SHMT2: variants seen among roughly 807,000 people sequenced by gnomAD.
SHMT2 encodes serine hydroxymethyltransferase 2.
Under a neutral mutation model 59.6 loss-of-function variants are expected in SHMT2, and 38 were observed. That is an observed-to-expected ratio of 0.64 (90% CI 0.49 to 0.84). The LOEUF is 0.84. SHMT2 is among the 40% of genes least tolerant of loss of function. The probability of loss-of-function intolerance (pLI) is 0.00; values close to 1 mark genes in which losing one functional copy is unlikely to be tolerated. For synonymous variants in SHMT2, 254 were observed against 258.1 expected, an observed-to-expected ratio of 0.98 and a Z score of 0.15; for missense variants, 533 against 659.5, an observed-to-expected ratio of 0.81 and a Z score of 2.10.
In SHMT2 at chr12:57,233,857, C is replaced by T; in HGVS notation, c.1232C>T (p.Thr411Ile). 3.1e-6 allele frequency: 5 copies of T among 1,614,198 alleles called. No individual in the cohort carries two copies. The highest frequency in any genetic ancestry group is 1.1e-5 in the South Asian group (1 of 91,084). Reference protein sequence around the residue: ...ELVSITANKNTCPGDRSAITP... With the variant: ...ELVSITANKNICPGDRSAITP... ...GTATCCATCACTGCCAACAAGAACA[C>T]CTGTCCTGGAGACCGAAGTGCCATC... is the stretch of plus-strand genomic sequence containing the variant. The change falls in exon 10 of 12, where the codon ACC (threonine) becomes ATC (isoleucine). Residue 411 changes from threonine (T) to isoleucine (I), a missense_variant. Transcript: ENST00000328923.
rs747029667 is a variant in SHMT2, at chr12:57,230,872, C to G, written c.103C>G (p.Gln35Glu). The G allele has an allele frequency of 6.2e-7, 1 of 1,614,126 alleles. No homozygotes were observed. Among genetic ancestry groups the G allele is most frequent in the South Asian group, 1.1e-5 (1 of 91,082 alleles). The change falls in exon 2 of 12, where the codon CAG becomes GAG. Residue 35 changes from glutamine (Q) to glutamate (E), a missense_variant. By Grantham distance (29) the Gln-to-Glu change is conservative. Transcript: ENST00000328923. ...TCAGCACAGCAACGCAGCCCAGACT[C>G]AGACTGGGGAAGCAAACAGGGGCTG... ...RAQHSNAAQTQTGEANRGWTG... is the reference protein window; with the variant it reads ...RAQHSNAAQTETGEANRGWTG...
Position 57,230,993 on chromosome 12 carries a change from C to G in SHMT2, c.224C>G (p.Ala75Gly). The change falls in exon 2 of 12, where the codon GCC becomes GGC. Residue 75 changes from alanine (A) to glycine (G), a missense_variant. Ala to Gly is a moderately conservative substitution (Grantham distance 60). Transcript: ENST00000328923. ...CAGTGTCGTGGCCTGGAGCTCATTGCCTCAGAGGTGGGACCTGGGGAGATG... is the reference window on the plus strand; with the variant it reads ...CAGTGTCGTGGCCTGGAGCTCATTGGCTCAGAGGTGGGACCTGGGGAGATG... ...DRQCRGLELI[A>G]SENFCSRAAL... 6.2e-7 allele frequency: 1 copy of G among 1,613,348 alleles called. No individual in the cohort carries two copies. The highest frequency in any genetic ancestry group is 2.2e-5 in the East Asian group (1 of 44,884).
At position 57,232,843 on chromosome 12, in the gene SHMT2, G is replaced by T; in HGVS notation, c.857G>T (p.Arg286Met). 1.2e-6 allele frequency: 2 copies of T among 1,604,352 alleles called. No homozygotes were observed. The highest frequency in any genetic ancestry group is 1.7e-6 in the Non-Finnish European group (2 of 1,171,856). The change falls in exon 7 of 12, where the codon AGG (arginine) becomes ATG (methionine). Residue 286 changes from arginine to methionine, a missense_variant and splice_region_variant. Physicochemically the swap from Arg to Met is moderately conservative, Grantham distance 91. Transcript: ENST00000328923. ...TTTHKTLRGA[R>M]SGLIFYRKGV... The stretch of plus-strand genomic sequence containing the variant: ...ACTCACAAGACTCTTCGAGGGGCCA[G>T]GTCAGGCTCCCTGAGGTCGGGCCTT...
In SHMT2 at chr12:57,230,673, G is replaced by A. The variant is rs915591327; in HGVS notation, c.34-130G>A. On this transcript the variant is annotated intron_variant, in intron 1 of 11. Transcript: ENST00000328923. ...CTGGCTTTTGAAGGTGGAGGTGGGG[G>A]TAGTGAGAACTGAAACAGGCTGGCT... The A allele has an allele frequency of 4.7e-6, 7 of 1,478,738 alleles. No homozygotes were observed. In the African/African-American group the frequency reaches 7.0e-5, roughly 15 times the overall value. 91.6% of individuals were successfully genotyped at this position (1,478,738 alleles called of 1,614,324 possible). A position where few individuals can be genotyped will look rare whatever the true frequency, so the allele number is the denominator to read the frequency against.
Position 57,234,404 on chromosome 12 carries a change from C to T in SHMT2, c.*43C>T, listed in dbSNP as rs2037468673. 6.5e-7 allele frequency: 1 copy of T among 1,530,960 alleles called. No individual in the cohort carries two copies. The highest frequency in any genetic ancestry group is 8.8e-7 in the Non-Finnish European group (1 of 1,139,874). 94.8% of individuals were successfully genotyped at this position (1,530,960 alleles called of 1,614,324 possible). On this transcript the variant is annotated 3_prime_UTR_variant, in exon 12 of 12. Transcript: ENST00000328923. ...GGCCCACAGACTCAAAGTTACTCTC[C>T]TTCCCCCTACCTGGGCCAGTGAAAT...
At position 57,231,974 on chromosome 12, in the gene SHMT2, T is replaced by C. The variant is rs1243204487; in HGVS notation, c.512+61T>C. ...CAGGATTGGTGTGGGAAAGGAGTTATTTATTGAATACCTACTGTGGACCAT... is the reference window on the plus strand; with the variant it reads ...CAGGATTGGTGTGGGAAAGGAGTTACTTATTGAATACCTACTGTGGACCAT... On this transcript the variant is annotated intron_variant, in intron 4 of 11. Transcript: ENST00000328923. The C allele has an allele frequency of 1.4e-5, 21 of 1,507,714 alleles. No homozygotes were observed. In the South Asian group the frequency reaches 1.8e-4, roughly 13 times the overall value. The allele number at this position is 1,507,714 out of a possible 1,614,324, so 93.4% of individuals were successfully genotyped here. A position where few individuals can be genotyped will look rare whatever the true frequency, so the allele number is the denominator to read the frequency against.
At chr12:57,231,937 T>C (rs1432574269) in intron 4 of SHMT2, 24 bp downstream of exon 4, 11 of 1,589,016 alleles carry the variant, frequency 6.9e-6, no homozygotes, top group Non-Finnish European at 8.6e-6. Flanking sequence ...GGCTGGCTGA[T>C]GGTCTTGGCG....
At position 57,234,268 on chromosome 12, in the gene SHMT2, G is replaced by C. The variant is rs369976295; in HGVS notation, c.1422G>C (p.Lys474Asn). Residue 474 changes from lysine to asparagine, a missense_variant, in exon 12 of 12, where the codon AAG (lysine) becomes AAC (asparagine). Physicochemically the swap from Lys to Asn is moderately conservative, Grantham distance 94. Coordinates refer to ENST00000328923, the MANE Select transcript of SHMT2 (RefSeq NM_005412.6). ...KLQDFKSFLL[K>N]DSETSQRLAN... ...AGGATTTCAAATCCTTCCTGCTTAAGGACTCAGAAACAAGTCAGCGTCTGG... is the reference window on the plus strand; with the variant it reads ...AGGATTTCAAATCCTTCCTGCTTAACGACTCAGAAACAAGTCAGCGTCTGG... The C allele has an allele frequency of 3.4e-5, 55 of 1,613,674 alleles. No individual in the cohort carries two copies. The highest frequency in any genetic ancestry group is 4.7e-5 in the Non-Finnish European group (55 of 1,179,828).
rs964326364 is a variant in SHMT2 at position 57,234,172 on chromosome 12, C to G, written c.1387+62C>G. 63 of 1,613,712 alleles carry G rather than the reference C, an allele frequency of 3.9e-5. No individual in the cohort carries two copies. In the South Asian group the frequency reaches 6.2e-4, roughly 16 times the overall value. On this transcript the variant is annotated intron_variant, in intron 11 of 11. Coordinates refer to ENST00000328923, the MANE Select transcript of SHMT2 (RefSeq NM_005412.6). ...CCCACTCACTGTCTGCTCCCTCCCC[C>G]AGCTGATCTCACTGCCTTCCCTAGA...
At chr12:57,232,018 G>T in intron 4 of SHMT2, 105 bp downstream of exon 4, 2 of 1,295,458 alleles carry the variant, frequency 1.5e-6, no homozygotes, top group Non-Finnish European at 1.1e-6. Flanking sequence ...AACAGGCCTT[G>T]CCCTGTCCTG....
Position 57,230,712 on chromosome 12 carries a change from C to G in SHMT2, c.34-91C>G. 2.0e-6 allele frequency: 3 copies of G among 1,515,486 alleles called. No homozygotes were observed. The South Asian group carries it at 3.8e-5, about 19-fold the overall frequency. 93.9% of individuals were successfully genotyped at this position (1,515,486 alleles called of 1,614,324 possible). ...AACAGGCTGGCTGGACAACTGGCAGCTTGGTGTGGCCTTAGAAGCATGAGT... is the reference window on the plus strand; with the variant it reads ...AACAGGCTGGCTGGACAACTGGCAGGTTGGTGTGGCCTTAGAAGCATGAGT... On this transcript the variant is annotated intron_variant, in intron 1 of 11. Coordinates refer to ENST00000328923, the MANE Select transcript of SHMT2 (RefSeq NM_005412.6).
chr12:57,230,234 A>T, intron 1 of SHMT2: 2 of 1,238,570 alleles, frequency 1.6e-6, no homozygotes, highest in Non-Finnish European at 2.1e-6. Flanking sequence ...GGCTGGAAGG[A>T]GGTGGAACGG....
At position 57,229,711 on chromosome 12, in the gene SHMT2, C is replaced by CT; in HGVS notation, c.-66dup. Reference sequence around the variant, plus strand: ...CTCGCGCATGCGTTCTCCGAACGGTCTTCTTCCGACAGCTTGCTGCCCTAG... The same window carrying CT: ...CTCGCGCATGCGTTCTCCGAACGGTCTTTCTTCCGACAGCTTGCTGCCCTAG... On this transcript the variant is annotated 5_prime_UTR_variant, in exon 1 of 12. Coordinates refer to ENST00000328923, the MANE Select transcript of SHMT2 (RefSeq NM_005412.6). 1 of 1,599,804 alleles carries CT rather than the reference C, an allele frequency of 6.3e-7. No homozygotes were observed. Among genetic ancestry groups the CT allele is most frequent in the Non-Finnish European group, 8.6e-7 (1 of 1,167,020 alleles).
chr12:57,234,148 C>T, intron 11 of SHMT2, 38 bp downstream of exon 11: 4 of 1,613,378 alleles, frequency 2.5e-6, no homozygotes, highest in Non-Finnish European at 3.4e-6. Context: ...CAGCCAGTTC[C>T]CACTCACTGT....
rs771068111 is a variant in SHMT2 at position 57,233,842 on chromosome 12, C to T, written c.1217C>T (p.Thr406Ile). 1 of 1,614,248 alleles carries T rather than the reference C, an allele frequency of 6.2e-7. No individual in the cohort carries two copies. The highest frequency in any genetic ancestry group is 1.1e-5 in the South Asian group (1 of 91,090). The change falls in exon 10 of 12, where the codon ACT (threonine) becomes ATT (isoleucine). Residue 406 changes from threonine to isoleucine, a missense_variant. Coordinates refer to ENST00000328923, the MANE Select transcript of SHMT2 (RefSeq NM_005412.6). ...AERVLELVSITANKNTCPGDR... is the reference protein window; with the variant it reads ...AERVLELVSIIANKNTCPGDR... ...CGGGTGCTAGAGCTTGTATCCATCACTGCCAACAAGAACACCTGTCCTGGA... is the reference window on the plus strand; with the variant it reads ...CGGGTGCTAGAGCTTGTATCCATCATTGCCAACAAGAACACCTGTCCTGGA...
Position 57,232,828 on chromosome 12 carries a change from C to T in SHMT2, c.842C>T (p.Thr281Ile). 4 of 1,609,834 alleles carry T rather than the reference C, an allele frequency of 2.5e-6. No individual in the cohort carries two copies. The highest frequency in any genetic ancestry group is 3.4e-6 in the Non-Finnish European group (4 of 1,176,426). Reference sequence around the variant, plus strand: ...ATCGTCACCACCACTACTCACAAGACTCTTCGAGGGGCCAGGTCAGGCTCC... The same window carrying T: ...ATCGTCACCACCACTACTCACAAGATTCTTCGAGGGGCCAGGTCAGGCTCC... ...ADIVTTTTHK[T>I]LRGARSGLIF... Residue 281 changes from threonine to isoleucine, a missense_variant, in exon 7 of 12, where the codon ACT becomes ATT. Thr to Ile is a moderately conservative substitution (Grantham distance 89, BLOSUM62 -1). Transcript: ENST00000328923.
rs368073830 is a variant in SHMT2 at position 57,234,386 on chromosome 12, A to G, written c.*25A>G. On this transcript the variant is annotated 3_prime_UTR_variant, in exon 12 of 12. Transcript: ENST00000328923. ...AAGGCACCTGGGAAATGAGGCCCAC[A>G]GACTCAAAGTTACTCTCCTTCCCCC... The G allele has an allele frequency of 1.3e-6, 2 of 1,554,462 alleles. No homozygotes were observed. The highest frequency in any genetic ancestry group is 1.4e-5 in the African/African-American group (1 of 72,632).
chr12:57,233,034 G>A, intron 7 of SHMT2, 146 bp from the exon 8 acceptor site: 2 of 1,235,580 alleles, frequency 1.6e-6, no homozygotes, highest in South Asian at 1.5e-5. Flanking sequence ...TGGGATTGAG[G>A]GGCTGATTCC....
chr12:57,232,681 G>T (rs770219588), intron 6 of SHMT2, 23 bp from the exon 7 acceptor site: 6 of 1,607,096 alleles, frequency 3.7e-6, no homozygotes, highest in Non-Finnish European at 4.3e-6. Context: ...CCAGGCTGAG[G>T]CCTTGCCTCT....
Sources: allele counts gnomAD v4.1 joint callset, GRCh38; gene constraint gnomAD v4.1.1; transcripts MANE v1.5; gene names NCBI Gene and HGNC (gene_info 2026-07-23, HGNC 2026-07-21).